MTCL1: variants seen among roughly 807,000 people sequenced by gnomAD.
MTCL1 encodes the protein microtubule cross-linking factor 1.
Under a neutral mutation model 141.4 loss-of-function variants are expected in MTCL1, and 79 were observed. The observed-to-expected ratio is 0.56, with a 90% CI of 0.47 to 0.67. The LOEUF is 0.67. MTCL1 is among the 30% of genes least tolerant of loss of function. MTCL1 has a pLI of 0.00. For missense variants in MTCL1, 2,177 were observed against 2,113.9 expected, an observed-to-expected ratio of 1.03 and a Z score of -0.59; for synonymous variants, 914 against 875.8, an observed-to-expected ratio of 1.04 and a Z score of -0.77.
chr18:8,813,260 G>T, intron 12 of MTCL1, 27 bp downstream of exon 11: 1 of 1,604,030 alleles, frequency 6.2e-7, no homozygotes, highest in Non-Finnish European at 8.5e-7. Flanking sequence ...GGGCCCTGGA[G>T]CATAGGCACA....
At chr18:8,803,276 A>C (rs1187232943) in intron 10 of MTCL1, among the ~76,000 whole-genome samples, 1 of 152,134 alleles carries the variant, frequency 6.6e-6, no homozygotes, top group Non-Finnish European at 1.5e-5. Context: ...ACTGCAGTCC[A>C]GGATCTCACT....
In MTCL1 at chr18:8,729,267, T is replaced by C. The variant is rs1179374886; in HGVS notation, c.357+8771T>C. Among the ~76,000 whole-genome samples, 4 of 145,390 alleles carry C rather than the reference T, an allele frequency of 2.8e-5. No homozygotes were observed. The Admixed American group carries it at 2.8e-4, about 10-fold the overall frequency. On this transcript the variant is annotated intron_variant, in intron 4 of 16. Coordinates refer to ENST00000359865, the Ensembl canonical transcript of MTCL1. ...GACAGGGTTTTGCCATTTTGCTCAG[T>C]CTGGTCTCAAACTCCTGGCCTCAAG...
chr18:8,734,703 G>C (rs1425669751), intron 4 of MTCL1, among the ~76,000 whole-genome samples: 1 of 152,214 alleles, frequency 6.6e-6, no homozygotes, highest in Non-Finnish European at 1.5e-5. Context: ...AGATTGTACA[G>C]TGCGTGCCTG....
rs149361876 is a variant in MTCL1, at chr18:8,782,906, G to A, written c.418-624G>A. Among the ~76,000 whole-genome samples the A allele has an allele frequency of 2.4e-3, 371 of 152,306 alleles. 3 individuals are homozygous for A. Among genetic ancestry groups the A allele is most frequent in the Middle Eastern group, 0.02 (6 of 294 alleles). On this transcript the variant is annotated intron_variant, in intron 5 of 16. Transcript: ENST00000359865. ...ATTCTTGTGGGACATTAGGGCTGGG[G>A]AGACCGGGATGGGGAGAAGCGAATT...
chr18:8,815,655 A>G (rs909873989), intron 12 of MTCL1, among the ~76,000 whole-genome samples: 3 of 152,112 alleles, frequency 2.0e-5, no homozygotes, highest in East Asian at 1.9e-4. Flanking sequence ...TTAAAAAAAA[A>G]AAAAGAAAAG....
rs1568110086 is a variant in MTCL1 at position 8,825,224 on chromosome 18, G to A, written c.3714G>A (p.Trp1238Ter). The A allele has an allele frequency of 6.3e-7, 1 of 1,596,940 alleles. No individual in the cohort carries two copies. Among genetic ancestry groups the A allele is most frequent in the Non-Finnish European group, 8.5e-7 (1 of 1,171,884 alleles). Residue 1238 changes from tryptophan to a stop codon, truncating the protein, a stop_gained, in exon 15 of 17, where the codon TGG becomes TGA. Coordinates refer to ENST00000359865, the Ensembl canonical transcript of MTCL1. LOFTEE classifies it high-confidence loss of function. Reference sequence around the variant, plus strand: ...CTCCAGAACCCATGCTCAGCAGGTGGCCTTGCACCTCCCCCAGGCACTCCC... The same window carrying A: ...CTCCAGAACCCATGCTCAGCAGGTGACCTTGCACCTCCCCCAGGCACTCCC...
intron 12 of MTCL1, 113 bp from the exon 12 acceptor site, chr18:8,818,850 A>G (rs965281734): frequency 2.6e-5 from 27 of 1,058,442 alleles, no homozygotes; most frequent in African/African-American, 1.1e-4. Flanking sequence ...GCTTCTCACA[A>G]TATTTTTCAA....
At chr18:8,798,166 C>T in exon 10 of MTCL1, 1 of 1,597,574 alleles carries the variant, frequency 6.3e-7, no homozygotes, top group Non-Finnish European at 8.5e-7. Context: ...GGCGGATGGC[C>T]CAGACCACGA....
chr18:8,705,606 C>CCGCCGCCGCCGCCGCCGCCGT (rs1218361944), upstream of MTCL1: 2 of 1,198,658 alleles, frequency 1.7e-6, no homozygotes, highest in African/African-American at 3.3e-5. The surrounding 1 kb of genome is among the most constrained non-coding windows in gnomAD (Gnocchi z 5.2). Context: ...GCCGCCGCCG[C>CCGCCGCCGCCGCCGCCGCCGT]CGCCGTCGTC....
rs142309327 is a variant in MTCL1, at chr18:8,740,419, C to A, written c.357+19923C>A. 6.8e-4 allele frequency among the ~76,000 whole-genome samples: 103 copies of A among 152,260 alleles called. 2 individuals carry two copies. The highest frequency in any genetic ancestry group is 2.4e-3 in the African/African-American group (101 of 41,546). On this transcript the variant is annotated intron_variant, in intron 4 of 16. Transcript: ENST00000359865. ...TGAGGCAGGTGGATTATTTTATCAC[C>A]CTCATGGGACAGATACCATGCGGCC... is the stretch of plus-strand genomic sequence containing the variant.
intron 7 of MTCL1, chr18:8,786,787 A>G (rs139458365): frequency 3.1e-4 from 62 of 202,178 alleles, no homozygotes; most frequent in African/African-American, 1.4e-3. Flanking sequence ...ATGCTGTGTC[A>G]GTGTAAAGTA....
intron 4 of MTCL1, among the ~76,000 whole-genome samples, chr18:8,735,316 T>G (rs1404854707): frequency 6.6e-6 from 1 of 152,212 alleles, no homozygotes; most frequent in Non-Finnish European, 1.5e-5. Context: ...TTTTCTCCTC[T>G]GTCCTCTTCC....
intron 4 of MTCL1, among the ~76,000 whole-genome samples, chr18:8,749,048 G>T (rs1246898387): frequency 1.3e-5 from 2 of 152,212 alleles, no homozygotes; most frequent in African/African-American, 2.4e-5. Context: ...TATAAATGGA[G>T]ACCCTGGACT....
intron 3 of MTCL1, 95 bp from the exon 3 acceptor site, chr18:8,720,243 A>G (rs2096160423): frequency 3.4e-6 from 4 of 1,177,698 alleles, no homozygotes; most frequent in African/African-American, 3.0e-5. Context: ...GGTGTAATAT[A>G]TTACTTAATG....
chr18:8,744,671 C>A (rs1361989869), intron 4 of MTCL1, among the ~76,000 whole-genome samples: 1 of 151,900 alleles, frequency 6.6e-6, no homozygotes, highest in African/African-American at 2.4e-5. Context: ...TGTAACTGTC[C>A]CATTTAAAGC....
exon 12 of MTCL1, chr18:8,813,039 G>A (rs767779319): frequency 2.0e-5 from 32 of 1,614,240 alleles, no homozygotes; most frequent in Middle Eastern, 1.6e-4. Context: ...GAGCAAGGGG[G>A]CCTTGAAGAA....
intron 7 of MTCL1, among the ~76,000 whole-genome samples, chr18:8,792,548 A>G (rs1196094462): frequency 6.6e-6 from 1 of 152,224 alleles, no homozygotes; most frequent in Admixed American, 6.5e-5. Flanking sequence ...ATATGAAAAA[A>G]TTAATTATGC....
intron 4 of MTCL1, among the ~76,000 whole-genome samples, chr18:8,772,786 C>A (rs2096490128): frequency 6.6e-6 from 1 of 151,600 alleles, no homozygotes. Flanking sequence ...TTCCTATATC[C>A]TTAAATAGTC....
chr18:8,710,888 C>CTT (rs71356255), intron 1 of MTCL1, among the ~76,000 whole-genome samples: 27,556 of 80,934 alleles, frequency 0.34, 4,711 homozygotes, highest in East Asian at 0.57. Flanking sequence ...TTTTTTTTTA[C>CTT]TTTTTTTTTT....
Sources: allele counts gnomAD v4.1 joint callset (sites outside exome capture counted in the v4.1 genomes callset), GRCh38; gene constraint gnomAD v4.1.1; non-coding constraint Gnocchi (gnomAD v3.1); transcripts MANE v1.5; gene names NCBI Gene and HGNC (gene_info 2026-07-23, HGNC 2026-07-21).